Variants in RB1 observed in about 807,000 individuals in gnomAD.
The protein encoded by RB1 is retinoblastoma-associated protein.
A neutral mutation model predicts 135.4 loss-of-function variants in RB1; 18 were observed. The ratio of observed to expected loss-of-function variants is 0.13; its 90% CI spans 0.09 to 0.20. The LOEUF (loss-of-function observed/expected upper bound fraction) is 0.20. Ranked by LOEUF, RB1 falls within the 10% of genes least tolerant of loss-of-function variation. The probability of loss-of-function intolerance (pLI) is 1.00; values close to 1 mark genes in which losing one functional copy is unlikely to be tolerated. For synonymous variants in RB1, 365 were observed against 373.2 expected, an observed-to-expected ratio of 0.98 and a Z score of 0.25; for missense variants, 868 against 1,110.0, an observed-to-expected ratio of 0.78 and a Z score of 3.10.
chr13:48,464,201 T>C (rs1176552817), intron 21 of RB1, among the ~76,000 whole-genome samples: 1 of 152,222 alleles, frequency 6.6e-6, no homozygotes, highest in African/African-American at 2.4e-5. Flanking sequence ...TGCAAATCAA[T>C]AATACAAATG....
At chr13:48,360,191 G>A in intron 7 of RB1, 64 bp downstream of exon 7, 1 of 1,601,826 alleles carries the variant, frequency 6.2e-7, no homozygotes, top group Non-Finnish European at 8.5e-7. Context: ...AATGTCTAGT[G>A]GGTACCAAAC....
intron 2 of RB1, among the ~76,000 whole-genome samples, chr13:48,334,959 TG>T (rs1952369923): frequency 6.6e-6 from 1 of 152,190 alleles, no homozygotes; most frequent in East Asian, 1.9e-4. Flanking sequence ...TTTATGTAAA[TG>T]TAGCACTTAT....
intron 2 of RB1, among the ~76,000 whole-genome samples, chr13:48,316,471 A>G (rs532106488): frequency 6.6e-6 from 1 of 152,082 alleles, no homozygotes; most frequent in Admixed American, 6.5e-5. Context: ...ATAAGAACCA[A>G]ATGTTTTCTA....
intron 12 of RB1, among the ~76,000 whole-genome samples, chr13:48,374,079 A>G (rs540758977): frequency 6.6e-6 from 1 of 152,124 alleles, no homozygotes; most frequent in Non-Finnish European, 1.5e-5. Context: ...TGAATGTAGT[A>G]TTAGATAGGA....
chr13:48,411,948 G>T, intron 17 of RB1: 1 of 1,612,472 alleles, frequency 6.2e-7, no homozygotes, highest in South Asian at 1.1e-5. Flanking sequence ...GTTACCCTGA[G>T]AGTGGGTAGA....
intron 17 of RB1, chr13:48,411,871 C>T: frequency 6.2e-7 from 1 of 1,613,760 alleles, no homozygotes. Context: ...ATGAAAATTA[C>T]AATCCTTGAG....
intron 17 of RB1, among the ~76,000 whole-genome samples, chr13:48,452,533 C>T (rs1400191582): frequency 6.6e-6 from 1 of 151,834 alleles, no homozygotes; most frequent in Non-Finnish European, 1.5e-5. Context: ...GTGATTTTGT[C>T]CCATTTTTCA....
At chr13:48,325,696 T>C (rs915130594) in intron 2 of RB1, among the ~76,000 whole-genome samples, 4 of 152,242 alleles carry the variant, frequency 2.6e-5, no homozygotes, top group African/African-American at 9.6e-5. Flanking sequence ...GTGGATTTTT[T>C]TTTTATTTTT....
intron 6 of RB1, among the ~76,000 whole-genome samples, chr13:48,354,311 A>T (rs1051123127): frequency 1.3e-5 from 2 of 152,162 alleles, no homozygotes; most frequent in Admixed American, 6.5e-5. Flanking sequence ...TGAAAAAGAA[A>T]TTTAAAAAGT....
rs1030422432 is a variant in RB1, at chr13:48,480,338, A to G, written c.*267A>G. Reference sequence around the variant, plus strand: ...GCAGATTGTTTCCTCTTCCAAAGTAAAATTGCTGTGCTTTATGGATAGTAA... The same window carrying G: ...GCAGATTGTTTCCTCTTCCAAAGTAGAATTGCTGTGCTTTATGGATAGTAA... On this transcript the variant is annotated 3_prime_UTR_variant, in exon 27 of 27. Coordinates refer to ENST00000267163, the MANE Select transcript of RB1 (RefSeq NM_000321.3). 3.9e-6 allele frequency: 2 copies of G among 512,132 alleles called. No homozygotes were observed. The highest frequency in any genetic ancestry group is 3.8e-5 in the African/African-American group (2 of 52,360). 31.7% of individuals were successfully genotyped at this position (512,132 alleles called of 1,614,324 possible). A position where few individuals can be genotyped will look rare whatever the true frequency, so the allele number is the denominator to read the frequency against.
intron 17 of RB1, among the ~76,000 whole-genome samples, chr13:48,425,746 T>C (rs1351163286): frequency 6.6e-6 from 1 of 152,186 alleles, no homozygotes; most frequent in East Asian, 1.9e-4. Context: ...CTATTGTATA[T>C]TTGTAAAAGG....
At chr13:48,476,369 T>C (rs1949504039) in intron 24 of RB1, 1 of 263,816 alleles carries the variant, frequency 3.8e-6, no homozygotes, top group Admixed American at 5.0e-5. Context: ...TGTTCTGACT[T>C]GCCTACTTCT....
intron 17 of RB1, among the ~76,000 whole-genome samples, chr13:48,436,261 T>C (rs912353792): frequency 3.5e-4 from 54 of 152,330 alleles, no homozygotes; most frequent in African/African-American, 1.3e-3. Flanking sequence ...CATGTGGATA[T>C]CTTTGGTGTC....
intron 17 of RB1, among the ~76,000 whole-genome samples, chr13:48,449,977 T>C (rs573447113): frequency 6.6e-6 from 1 of 152,306 alleles, no homozygotes; most frequent in African/African-American, 2.4e-5. Context: ...GTTTGTTTTT[T>C]TCTTGTAAAT....
rs2138354524 is a variant in RB1 at position 48,473,344 on chromosome 13, C to T, written c.2490-16C>T. ...GGTTTTTTATTACTAATTGGTATTTCATCTTAACTTGACAGAATCTTAGTA... is the reference window on the plus strand; with the variant it reads ...GGTTTTTTATTACTAATTGGTATTTTATCTTAACTTGACAGAATCTTAGTA... On this transcript the variant is annotated splice_polypyrimidine_tract_variant and intron_variant, in intron 23 of 26. Coordinates refer to ENST00000267163, the MANE Select transcript of RB1 (RefSeq NM_000321.3). 6.4e-7 allele frequency: 1 copy of T among 1,565,626 alleles called. No individual in the cohort carries two copies. Among genetic ancestry groups the T allele is most frequent in the Non-Finnish European group, 8.8e-7 (1 of 1,137,918 alleles).
chr13:48,309,103 A>G (rs1307210322), intron 2 of RB1, among the ~76,000 whole-genome samples: 1 of 152,208 alleles, frequency 6.6e-6, no homozygotes, highest in Admixed American at 6.5e-5. Flanking sequence ...CCTGGCACAA[A>G]GTGAGTCCTT....
chr13:48,476,147 C>G (rs545783594), intron 24 of RB1, among the ~76,000 whole-genome samples: 2 of 152,132 alleles, frequency 1.3e-5, no homozygotes, highest in African/African-American at 2.4e-5. Context: ...GTATAATTGG[C>G]AAAGCTAATC....
At chr13:48,359,433 T>C (rs1005138465) in intron 6 of RB1, among the ~76,000 whole-genome samples, 3 of 149,160 alleles carry the variant, frequency 2.0e-5, no homozygotes, top group African/African-American at 7.3e-5. Flanking sequence ...AATCATAATT[T>C]TATAAATAAA....
intron 2 of RB1, among the ~76,000 whole-genome samples, chr13:48,308,342 C>G (rs189026897): frequency 6.8e-6 from 1 of 146,340 alleles, no homozygotes; most frequent in African/African-American, 2.4e-5. Flanking sequence ...ACAGGAAGAC[C>G]CTGTTGCAAA....
Sources: allele counts gnomAD v4.1 joint callset (sites outside exome capture counted in the v4.1 genomes callset), GRCh38; gene constraint gnomAD v4.1.1; transcripts MANE v1.5; gene names NCBI Gene and HGNC (gene_info 2026-07-23, HGNC 2026-07-21).